The following SYT9 variants were observed in gnomAD, a reference collection of about 807,000 sequenced individuals.
SYT9 encodes synaptotagmin-9.
A neutral mutation model predicts 48.4 loss-of-function variants in SYT9; 22 were observed. That is an observed-to-expected ratio of 0.45 (90% CI 0.32 to 0.65). The LOEUF (loss-of-function observed/expected upper bound fraction) is 0.65, where lower values mean the gene tolerates loss of function less well. Among genes scored for constraint, SYT9 ranks in the 30% least tolerant of loss-of-function variants. SYT9 has a pLI of 0.03. For synonymous variants in SYT9, 265 were observed against 245.0 expected (o/e 1.08, Z -0.76); for missense variants, 577 against 622.0 (o/e 0.93, Z 0.77).
intron 3 of SYT9, among the ~76,000 whole-genome samples, chr11:7,369,402 C>CA (rs1850313089): frequency 6.6e-6 from 1 of 151,654 alleles, no homozygotes. Flanking sequence ...AGGTAGATTG[C>CA]AAAAAATTTC....
At chr11:7,414,999 C>T (rs1048153270) in intron 3 of SYT9, among the ~76,000 whole-genome samples, 2 of 152,064 alleles carry the variant, frequency 1.3e-5, no homozygotes, top group Admixed American at 6.6e-5. Context: ...TTTTTTCCCT[C>T]CTTTCTGGTT....
rs183540102 is a variant in SYT9 at position 7,245,591 on chromosome 11, G to C, written c.49+6675G>C. On this transcript the variant is annotated intron_variant and NMD_transcript_variant, in intron 1 of 8. Transcript: ENST00000524820. The stretch of plus-strand genomic sequence containing the variant: ...TGCTGTAACAGGATACCTGAGATTA[G>C]GTAATTTAAAAAGAAAAAACATTTA... Among the ~76,000 whole-genome samples, 291 of 152,038 alleles carry C rather than the reference G, an allele frequency of 1.9e-3. 2 individuals are homozygous for C. The highest frequency in any genetic ancestry group is 6.7e-3 in the African/African-American group (280 of 41,496).
chr11:7,374,196 T>A (rs1036615046), intron 3 of SYT9, among the ~76,000 whole-genome samples: 2 of 152,134 alleles, frequency 1.3e-5, no homozygotes, highest in African/African-American at 4.8e-5. Context: ...CCTTTGTTAG[T>A]TTGCTGAGAA....
intron 3 of SYT9, among the ~76,000 whole-genome samples, chr11:7,349,178 G>A (rs747228412): frequency 2.6e-5 from 4 of 151,810 alleles, no homozygotes; most frequent in Non-Finnish European, 4.4e-5. Context: ...AGAACTCCAC[G>A]AGCATTGCCG....
At chr11:7,301,567 T>G (rs925217293) in intron 1 of SYT9, among the ~76,000 whole-genome samples, 2 of 152,204 alleles carry the variant, frequency 1.3e-5, no homozygotes, top group Non-Finnish European at 2.9e-5. Flanking sequence ...CAATTAGTCA[T>G]TTACTAATTT....
intron 1 of SYT9, among the ~76,000 whole-genome samples, chr11:7,258,412 G>A (rs1057334771): frequency 2.6e-5 from 4 of 152,128 alleles, no homozygotes; most frequent in Non-Finnish European, 5.9e-5. Flanking sequence ...TCTTTCAAAT[G>A]TTTATTTGGT....
At chr11:7,418,333 C>G (rs1421716223) in intron 5 of SYT9, among the ~76,000 whole-genome samples, 1 of 152,196 alleles carries the variant, frequency 6.6e-6, no homozygotes, top group Non-Finnish European at 1.5e-5. Flanking sequence ...CTCAGCACTC[C>G]CATTCTTTTC....
intron 1 of SYT9, among the ~76,000 whole-genome samples, chr11:7,279,923 C>G (rs1052404214): frequency 6.6e-6 from 1 of 152,164 alleles, no homozygotes; most frequent in African/African-American, 2.4e-5. Flanking sequence ...TGAGGCAAAT[C>G]TTTTGAGCAG....
At chr11:7,375,558 T>C (rs1250084642) in intron 3 of SYT9, among the ~76,000 whole-genome samples, 1 of 152,040 alleles carries the variant, frequency 6.6e-6, no homozygotes, top group Non-Finnish European at 1.5e-5. Flanking sequence ...GCATAGAATG[T>C]TTTTCCATTT....
intron 6 of SYT9, chr11:7,456,961 G>C (rs1378267319): frequency 6.6e-6 from 1 of 152,150 alleles, no homozygotes; most frequent in Admixed American, 6.5e-5. Context: ...AAGTACTAAA[G>C]TACAAATCTG....
At chr11:7,434,045 T>C (rs993957325) in intron 6 of SYT9, among the ~76,000 whole-genome samples, 10 of 152,202 alleles carry the variant, frequency 6.6e-5, no homozygotes, top group Non-Finnish European at 1.3e-4. Flanking sequence ...GGCTCAGCAC[T>C]GTATTTCTGG....
chr11:7,460,901 G>A (rs891101254), intron 6 of SYT9, among the ~76,000 whole-genome samples: 3 of 152,214 alleles, frequency 2.0e-5, no homozygotes, highest in Non-Finnish European at 2.9e-5. Context: ...CTCTTTCTAG[G>A]AATTGAAATT....
chr11:7,445,206 T>C (rs956826754), intron 6 of SYT9, among the ~76,000 whole-genome samples: 8 of 152,238 alleles, frequency 5.3e-5, no homozygotes, highest in South Asian at 2.1e-4. Context: ...TGGAACTTAA[T>C]GGATGCTAGG....
chr11:7,314,864 C>T (rs910382298), intron 3 of SYT9, among the ~76,000 whole-genome samples: 1 of 152,218 alleles, frequency 6.6e-6, no homozygotes, highest in African/African-American at 2.4e-5. Context: ...GGACCAAGCA[C>T]CACCGTCTTT....
intron 1 of SYT9, among the ~76,000 whole-genome samples, chr11:7,275,526 G>T (rs11041295): frequency 0.081 from 12,333 of 152,136 alleles, 677 homozygotes; most frequent in East Asian, 0.23. Context: ...CCCCTTAAAT[G>T]TTGGCATTTT....
At chr11:7,303,661 A>G (rs1395903994) in intron 2 of SYT9, among the ~76,000 whole-genome samples, 1 of 152,238 alleles carries the variant, frequency 6.6e-6, no homozygotes, top group Non-Finnish European at 1.5e-5. Context: ...ACAACTTAGC[A>G]TGAAATGTAT....
chr11:7,244,051 C>G (rs529994337), intron 1 of SYT9, among the ~76,000 whole-genome samples: 1 of 151,992 alleles, frequency 6.6e-6, no homozygotes, highest in South Asian at 2.1e-4. Flanking sequence ...TGGCCTTGTT[C>G]TGAAACGATG....
chr11:7,336,764 A>T (rs942254679), intron 3 of SYT9, among the ~76,000 whole-genome samples: 1 of 152,084 alleles, frequency 6.6e-6, no homozygotes, highest in Admixed American at 6.6e-5. Flanking sequence ...ACAGGGTAAC[A>T]TGTTGAGGTT....
chr11:7,307,533 A>T (rs926048615), intron 2 of SYT9, among the ~76,000 whole-genome samples: 2 of 152,254 alleles, frequency 1.3e-5, no homozygotes, highest in Admixed American at 1.3e-4. Flanking sequence ...ACAGATATCA[A>T]GCATTTGCTA....
Sources: gnomAD v4.1 joint callset for allele counts (sites outside exome capture counted in the v4.1 genomes callset) on GRCh38, gnomAD v4.1.1 for gene constraint, MANE v1.5 for transcripts, NCBI Gene and HGNC (gene_info 2026-07-23, HGNC 2026-07-21) for gene names.